Variants in KIAA1217 observed in about 807,000 individuals in gnomAD.
KIAA1217 encodes sickle tail protein homolog.
In KIAA1217, 88 loss-of-function variants were observed where a neutral mutation model predicts 163.9. That is an observed-to-expected ratio of 0.54 (90% CI 0.45 to 0.64). The LOEUF is 0.64. Ranked by LOEUF, KIAA1217 falls within the 30% of genes least tolerant of loss-of-function variation. KIAA1217 has a pLI of 0.00. For synonymous variants in KIAA1217, 903 were observed against 923.1 expected, an observed-to-expected ratio of 0.98 and a Z score of 0.39; for missense variants, 2,372 against 2,475.0, an observed-to-expected ratio of 0.96 and a Z score of 0.88.
At chr10:23,753,127 C>G (rs1045761566) in intron 1 of KIAA1217, among the ~76,000 whole-genome samples, 4 of 152,204 alleles carry the variant, frequency 2.6e-5, no homozygotes, top group Non-Finnish European at 5.9e-5. Flanking sequence ...GCATTCTGTG[C>G]CTACTTGCAA....
chr10:24,164,883 CT>C (rs2065274922), intron 2 of KIAA1217, among the ~76,000 whole-genome samples: 3 of 152,136 alleles, frequency 2.0e-5, no homozygotes, highest in African/African-American at 7.2e-5. Context: ...GGATGCCATG[CT>C]CATTGTGACA....
At chr10:23,947,970 T>A (rs1381300162) in intron 1 of KIAA1217, among the ~76,000 whole-genome samples, 1 of 152,244 alleles carries the variant, frequency 6.6e-6, no homozygotes, top group East Asian at 1.9e-4. Context: ...ATTTACTTAA[T>A]CACAACATGG....
At chr10:24,194,380 C>T (rs1187508184) in intron 2 of KIAA1217, among the ~76,000 whole-genome samples, 1 of 139,572 alleles carries the variant, frequency 7.2e-6, no homozygotes, top group African/African-American at 2.7e-5. Flanking sequence ...CCTTCCTTCC[C>T]CTTGCTATGT....
At chr10:23,936,535 G>A (rs1172765338) in intron 1 of KIAA1217, among the ~76,000 whole-genome samples, 1 of 152,132 alleles carries the variant, frequency 6.6e-6, no homozygotes, top group African/African-American at 2.4e-5. Context: ...GGGAGATTCA[G>A]ACACAAAGAC....
chr10:24,409,131 A>AT (rs1246577450), intron 3 of KIAA1217, among the ~76,000 whole-genome samples: 1 of 152,036 alleles, frequency 6.6e-6, no homozygotes, highest in African/African-American at 2.4e-5. Context: ...AGGGGGACAG[A>AT]TTTTTTTTCT....
intron 2 of KIAA1217, among the ~76,000 whole-genome samples, chr10:24,321,464 C>A (rs2044146855): frequency 6.6e-6 from 1 of 151,592 alleles, no homozygotes; most frequent in Non-Finnish European, 1.5e-5. Flanking sequence ...ACCCAGGAGG[C>A]AGAGGTTGCA....
chr10:24,413,937 T>C (rs1350733160), intron 3 of KIAA1217, among the ~76,000 whole-genome samples: 2 of 152,192 alleles, frequency 1.3e-5, no homozygotes, highest in Non-Finnish European at 2.9e-5. Context: ...TCTACATCAA[T>C]AGAAGCTATG....
intron 2 of KIAA1217, among the ~76,000 whole-genome samples, chr10:24,049,131 T>G (rs1849294440): frequency 6.6e-6 from 1 of 152,114 alleles, no homozygotes; most frequent in African/African-American, 2.4e-5. Flanking sequence ...CTTCCTAGAT[T>G]CTGTTGAAAT....
At chr10:24,319,192 A>G (rs2043797567) in intron 2 of KIAA1217, among the ~76,000 whole-genome samples, 1 of 152,162 alleles carries the variant, frequency 6.6e-6, no homozygotes, top group African/African-American at 2.4e-5. Flanking sequence ...AGTGTGGCCA[A>G]CATGGCGAAA....
chr10:24,381,718 T>G (rs989205299), intron 3 of KIAA1217, among the ~76,000 whole-genome samples: 5 of 152,176 alleles, frequency 3.3e-5, no homozygotes, highest in Non-Finnish European at 7.3e-5. Flanking sequence ...GAACTGACCG[T>G]AGAATGATCC....
chr10:23,977,345 G>A (rs1284569353), intron 1 of KIAA1217, among the ~76,000 whole-genome samples: 1 of 152,054 alleles, frequency 6.6e-6, no homozygotes, highest in Non-Finnish European at 1.5e-5. Context: ...GGAAGGGAGG[G>A]CAAATATCAT....
intron 2 of KIAA1217, among the ~76,000 whole-genome samples, chr10:24,334,400 G>C (rs2046065626): frequency 1.4e-5 from 2 of 146,978 alleles, no homozygotes; most frequent in Non-Finnish European, 3.0e-5. Context: ...GATGAAGGAA[G>C]GAAGGAAAGA....
At chr10:23,954,476 G>A (rs1844470348) in intron 1 of KIAA1217, among the ~76,000 whole-genome samples, 1 of 151,896 alleles carries the variant, frequency 6.6e-6, no homozygotes, top group Admixed American at 6.6e-5. Context: ...AAGGTGGGAG[G>A]ATTGTTTGAG....
intron 2 of KIAA1217, among the ~76,000 whole-genome samples, chr10:24,347,877 A>G (rs1256748675): frequency 6.6e-6 from 1 of 152,198 alleles, no homozygotes; most frequent in East Asian, 1.9e-4. Context: ...GGTTACCACA[A>G]TCAAATTCAT....
chr10:23,884,516 G>A (rs945492288), intron 1 of KIAA1217, among the ~76,000 whole-genome samples: 1 of 151,840 alleles, frequency 6.6e-6, no homozygotes, highest in Non-Finnish European at 1.5e-5. Context: ...AGCAGCAATC[G>A]GGCAAGCCAC....
chr10:24,215,704 C>T (rs1207851180), intron 1 of KIAA1217, among the ~76,000 whole-genome samples: 2 of 152,354 alleles, frequency 1.3e-5, no homozygotes, highest in East Asian at 1.9e-4. Flanking sequence ...TGGGGCTTGA[C>T]GCTTCCAAGA....
intron 1 of KIAA1217, among the ~76,000 whole-genome samples, chr10:23,829,858 TTAGTAAA>T (rs1295245034): frequency 6.6e-6 from 1 of 152,176 alleles, no homozygotes; most frequent in Non-Finnish European, 1.5e-5. Flanking sequence ...ACATGACCTC[TTAGTAAA>T]TAGAAATTAA....
chr10:23,907,745 C>T (rs1023657399), intron 1 of KIAA1217, among the ~76,000 whole-genome samples: 8 of 152,104 alleles, frequency 5.3e-5, no homozygotes, highest in East Asian at 1.9e-4. Context: ...AACACCCTCA[C>T]GGACACATTC....
intron 1 of KIAA1217, among the ~76,000 whole-genome samples, chr10:23,727,801 C>T (rs1838256610): frequency 6.6e-6 from 1 of 152,064 alleles, no homozygotes; most frequent in Non-Finnish European, 1.5e-5. Context: ...CCTCTAGACC[C>T]CCCACCTCCC....
Sources: gnomAD v4.1 joint callset for allele counts (sites outside exome capture counted in the v4.1 genomes callset) on GRCh38, gnomAD v4.1.1 for gene constraint, MANE v1.5 for transcripts, NCBI Gene and HGNC (gene_info 2026-07-23, HGNC 2026-07-21) for gene names.